Variants in ADGRG6 observed in about 807,000 individuals in gnomAD.
ADGRG6 encodes G-protein coupled receptor 126.
ADGRG6 carries 84 observed loss-of-function variants against 142.4 expected under a neutral mutation model. The observed-to-expected ratio is 0.59, with a 90% CI of 0.49 to 0.71. The LOEUF is 0.71. Ranked by LOEUF, ADGRG6 falls within the 30% of genes least tolerant of loss-of-function variation. The pLI is 0.00. For missense variants in ADGRG6, 1,367 were observed against 1,466.6 expected, an observed-to-expected ratio of 0.93 and a Z score of 1.11; for synonymous variants, 521 against 520.5, an observed-to-expected ratio of 1.00 and a Z score of -0.01.
intron 2 of ADGRG6, among the ~76,000 whole-genome samples, chr6:142,342,554 C>T (rs535686121): frequency 6.6e-6 from 1 of 152,084 alleles, no homozygotes; most frequent in East Asian, 1.9e-4. Context: ...CTAAATAAGG[C>T]GTTAGAAGTT....
intron 6 of ADGRG6, 71 bp downstream of exon 6, chr6:142,383,914 T>C: frequency 1.3e-6 from 1 of 782,978 alleles, no homozygotes; most frequent in Admixed American, 2.0e-5. Context: ...GATGGAAATA[T>C]GTATTATTCC....
At chr6:142,414,822 A>C (rs189297136) in intron 18 of ADGRG6, 147 bp from the exon 19 acceptor site, 11 of 461,970 alleles carry the variant, frequency 2.4e-5, no homozygotes, top group Non-Finnish European at 3.3e-5. Context: ...TAATATAATA[A>C]ATGGAAATTT....
rs117661534 is a variant in ADGRG6, at chr6:142,316,009, G to A, written c.103+6365G>A. On this transcript the variant is annotated intron_variant, in intron 2 of 24. Coordinates refer to ENST00000367609, the MANE Select transcript of ADGRG6 (RefSeq NM_198569.3). ...GTGGCCACCATATTTCTATGGTTAA[G>A]ACTAATTATCTTGATTTCTTAAAAT... Among the ~76,000 whole-genome samples the A allele has an allele frequency of 2.8e-3, 422 of 152,086 alleles. 13 individuals are homozygous for A. The East Asian group carries it at 0.046, about 16-fold the overall frequency.
intron 2 of ADGRG6, among the ~76,000 whole-genome samples, chr6:142,349,902 G>C (rs1423749849): frequency 6.6e-6 from 1 of 152,146 alleles, no homozygotes; most frequent in Non-Finnish European, 1.5e-5. Context: ...TCTAAACTCT[G>C]TGGTTCCTCA....
chr6:142,372,607 T>A (rs898039274), intron 4 of ADGRG6, among the ~76,000 whole-genome samples: 7 of 152,194 alleles, frequency 4.6e-5, no homozygotes, highest in Non-Finnish European at 1.0e-4. Flanking sequence ...CACAACCCTG[T>A]TCCACAAGGG....
At chr6:142,430,914 A>G (rs1247586718) in intron 22 of ADGRG6, among the ~76,000 whole-genome samples, 1 of 152,110 alleles carries the variant, frequency 6.6e-6, no homozygotes, top group East Asian at 1.9e-4. Flanking sequence ...TTTCTCTAGG[A>G]GTATTAGACA....
intron 2 of ADGRG6, among the ~76,000 whole-genome samples, chr6:142,323,119 AT>A (rs35025773): frequency 0.31 from 43,904 of 142,786 alleles, 10,265 homozygotes; most frequent in African/African-American, 0.66. Context: ...AATGTCACTT[AT>A]TTTTTTTTTT....
intron 6 of ADGRG6, among the ~76,000 whole-genome samples, chr6:142,388,155 G>T (rs1159995516): frequency 6.6e-6 from 1 of 152,070 alleles, no homozygotes; most frequent in African/African-American, 2.4e-5. Flanking sequence ...CCTTCAGTGG[G>T]CATATTTTTT....
In ADGRG6 at chr6:142,362,254, C is replaced by T. The variant is rs981942246; in HGVS notation, c.104-5315C>T. On this transcript the variant is annotated intron_variant, in intron 2 of 24. Transcript: ENST00000367609. ...GCTTAATTGAACTGATTCAAGTAAG[C>T]GGTACCCTTTTGAACTCATGCTTAA... Among the ~76,000 whole-genome samples, 8 of 152,146 alleles carry T rather than the reference C, an allele frequency of 5.3e-5. 1 individual carries two copies. Among genetic ancestry groups the T allele is most frequent in the Admixed American group, 4.6e-4 (7 of 15,276 alleles).
At chr6:142,328,025 T>C (rs1314209532) in intron 2 of ADGRG6, among the ~76,000 whole-genome samples, 1 of 152,116 alleles carries the variant, frequency 6.6e-6, no homozygotes, top group East Asian at 1.9e-4. Flanking sequence ...AGACCAAAGT[T>C]AGGAATACTT....
At position 142,409,859 on chromosome 6, in the gene ADGRG6, C is replaced by G. The variant is rs1399577203; in HGVS notation, c.2389-15C>G. Reference sequence around the variant, plus strand: ...TTAAACACAATTTCACATGTTTATTCTTATGTTAATATAGGAAGTGCATCA... The same window carrying G: ...TTAAACACAATTTCACATGTTTATTGTTATGTTAATATAGGAAGTGCATCA... On this transcript the variant is annotated splice_polypyrimidine_tract_variant and intron_variant, in intron 16 of 24. Transcript: ENST00000367609. 1.5e-6 allele frequency: 2 copies of G among 1,306,752 alleles called. No individual in the cohort carries two copies. Among genetic ancestry groups the G allele is most frequent in the East Asian group, 4.8e-5 (2 of 41,268 alleles). The allele number at this position is 1,306,752 out of a possible 1,614,324, so 80.9% of individuals were successfully genotyped here.
chr6:142,364,488 C>A (rs1170107428), intron 2 of ADGRG6, among the ~76,000 whole-genome samples: 1 of 152,054 alleles, frequency 6.6e-6, no homozygotes, highest in Non-Finnish European at 1.5e-5. Context: ...TTTTAAGGCA[C>A]TAATTTTGTG....
At position 142,314,939 on chromosome 6, in the gene ADGRG6, G is replaced by A. The variant is rs113784956; in HGVS notation, c.103+5295G>A. ...TTGAGGAATTTGTACCAGAAACCTC[G>A]AAGACCTCCTTAGCCTACAGTCCAA... On this transcript the variant is annotated intron_variant, in intron 2 of 24. Coordinates refer to ENST00000367609, the MANE Select transcript of ADGRG6 (RefSeq NM_198569.3). Among the ~76,000 whole-genome samples the A allele has an allele frequency of 3.8e-3, 569 of 150,864 alleles. 3 individuals carry two copies. Among genetic ancestry groups the A allele is most frequent in the Non-Finnish European group, 6.9e-3 (469 of 67,844 alleles).
At chr6:142,401,943 A>C (rs1351593036) in intron 11 of ADGRG6, 51 bp from the exon 12 acceptor site, 2 of 850,162 alleles carry the variant, frequency 2.4e-6, no homozygotes, top group Non-Finnish European at 3.8e-6. Flanking sequence ...TAAGCAGTAC[A>C]AAATAATACC....
At chr6:142,414,719 G>A (rs895660090) in intron 18 of ADGRG6, among the ~76,000 whole-genome samples, 20 of 152,212 alleles carry the variant, frequency 1.3e-4, no homozygotes, top group African/African-American at 3.9e-4. Context: ...CCGGTTTGCA[G>A]AAAGCTTGGG....
At chr6:142,372,513 G>C (rs1234628854) in intron 4 of ADGRG6, among the ~76,000 whole-genome samples, 1 of 152,140 alleles carries the variant, frequency 6.6e-6, no homozygotes, top group African/African-American at 2.4e-5. Context: ...TGTGGTCCAT[G>C]GCACTCCTAC....
intron 2 of ADGRG6, among the ~76,000 whole-genome samples, chr6:142,365,799 G>A (rs1038603741): frequency 9.9e-5 from 15 of 152,136 alleles, no homozygotes; most frequent in African/African-American, 3.6e-4. Context: ...CCTCACTTGA[G>A]CTGTATAAAA....
At chr6:142,347,525 GT>G (rs1255980948) in intron 2 of ADGRG6, among the ~76,000 whole-genome samples, 1 of 152,100 alleles carries the variant, frequency 6.6e-6, no homozygotes, top group African/African-American at 2.4e-5. Context: ...ACCAAATGAG[GT>G]TTATGTATCC....
intron 2 of ADGRG6, among the ~76,000 whole-genome samples, chr6:142,352,064 T>C (rs1002801200): frequency 6.6e-6 from 1 of 152,274 alleles, no homozygotes; most frequent in South Asian, 2.1e-4. Context: ...GAGATTTTTT[T>C]AGCGAACTTA....
Sources: gnomAD v4.1 joint callset for allele counts (sites outside exome capture counted in the v4.1 genomes callset) on GRCh38, gnomAD v4.1.1 for gene constraint, MANE v1.5 for transcripts, NCBI Gene and HGNC (gene_info 2026-07-23, HGNC 2026-07-21) for gene names.